GP6: variants seen among roughly 807,000 people sequenced by gnomAD.
GP6 encodes glycoprotein VI platelet.
A neutral mutation model predicts 37.3 loss-of-function variants in GP6; 45 were observed. That is an observed-to-expected ratio of 1.21 (90% CI 0.95 to 1.55). The LOEUF (loss-of-function observed/expected upper bound fraction) is 1.55. Among genes scored for constraint, GP6 ranks in the 40% most tolerant of loss-of-function variants. The pLI, the probability that GP6 is intolerant of heterozygous loss-of-function variation, is 0.00. For missense variants in GP6, 813 were observed against 760.2 expected, an observed-to-expected ratio of 1.07 and a Z score of -0.82; for synonymous variants, 340 against 316.4, an observed-to-expected ratio of 1.07 and a Z score of -0.79.
rs746782553 is a variant in GP6, at chr19:55,014,942, G to A, written c.1003C>T (p.Gln335Ter). 1.9e-5 allele frequency: 30 copies of A among 1,613,566 alleles called. No individual in the cohort carries two copies. Among genetic ancestry groups the A allele is most frequent in the Non-Finnish European group, 2.5e-5 (29 of 1,180,000 alleles). ...GCGGTCATGAACATAACCCGCGGCT[G>A]TGAACATCCTGTCGGCCTCCATCCT... The change falls in exon 8 of 8, where the codon CAG becomes TAG. Residue 335 changes from glutamine to a stop codon, truncating the protein, a stop_gained. Coordinates refer to ENST00000310373, the MANE Select transcript of GP6 (RefSeq NM_001083899.2). LOFTEE classifies it low-confidence loss of function (END_TRUNC).
chr19:55,014,787 G>A lies in GP6; in HGVS notation c.1158C>T (p.Ser386=), dbSNP rs755373331. 3 of 1,613,744 alleles carry A rather than the reference G, an allele frequency of 1.9e-6. No homozygotes were observed. The highest frequency in any genetic ancestry group is 2.2e-5 in the East Asian group (1 of 44,872). ...ACGGCTCCCTGATGGAACACCAGGA[G>A]GAGGCAGCATGGCCTCGTTTCCACA... Residue 386 remains serine, a synonymous_variant, in exon 8 of 8, where the codon TCC becomes TCT. Transcript: ENST00000310373.
intron 3 of GP6, among the ~76,000 whole-genome samples, chr19:55,031,393 T>C (rs930346573): frequency 6.6e-6 from 1 of 151,982 alleles, no homozygotes; most frequent in Non-Finnish European, 1.5e-5. Flanking sequence ...CTATGACTGC[T>C]CCTATGAACA....
At chr19:55,017,268 C>G (rs550739950) in intron 6 of GP6, among the ~76,000 whole-genome samples, 3 of 152,126 alleles carry the variant, frequency 2.0e-5, no homozygotes, top group Non-Finnish European at 4.4e-5. Flanking sequence ...AGGTGCCCAC[C>G]ACCACGCCCG....
At chr19:55,028,570 C>T (rs1302019299) in intron 3 of GP6, among the ~76,000 whole-genome samples, 2 of 152,200 alleles carry the variant, frequency 1.3e-5, no homozygotes, top group Non-Finnish European at 2.9e-5. Context: ...GTAACTGTCT[C>T]ACAGTGGATT....
intron 4 of GP6, among the ~76,000 whole-genome samples, chr19:55,026,272 A>G (rs2074299388): frequency 6.6e-6 from 1 of 152,208 alleles, no homozygotes; most frequent in South Asian, 2.1e-4. Context: ...GTGGTACAAT[A>G]TGTTGACCTC....
Position 55,027,629 on chromosome 19 carries a change from C to T in GP6, c.559G>A (p.Asp187Asn). Residue 187 changes from aspartate (D) to asparagine (N), a missense_variant, in exon 4 of 8, where the codon GAC (aspartate) becomes AAC (asparagine). Coordinates refer to ENST00000310373, the MANE Select transcript of GP6 (RefSeq NM_001083899.2). ...CTGGGGGCTGACCACAGGTATGGGT[C>T]CCTGCTGGAGAAGCTGTAGCATCGG... 6.2e-7 allele frequency: 1 copy of T among 1,613,784 alleles called. No homozygotes were observed. Among genetic ancestry groups the T allele is most frequent in the Non-Finnish European group, 8.5e-7 (1 of 1,179,686 alleles).
At chr19:55,019,112 T>TC (rs1419321120) in intron 5 of GP6, among the ~76,000 whole-genome samples, 2 of 149,240 alleles carry the variant, frequency 1.3e-5, no homozygotes, top group East Asian at 2.0e-4. Context: ...TTTTTCTTTT[T>TC]TTTTTTTTTT....
intron 5 of GP6, among the ~76,000 whole-genome samples, chr19:55,019,678 C>CTTTTTT (rs770367312): frequency 7.9e-6 from 1 of 126,746 alleles, no homozygotes; most frequent in Non-Finnish European, 1.6e-5. Flanking sequence ...TTCTTTTTTT[C>CTTTTTT]TTTTTTTTTT....
chr19:55,036,192 G>A (rs1316069794), intron 1 of GP6, among the ~76,000 whole-genome samples: 2 of 152,042 alleles, frequency 1.3e-5, no homozygotes, highest in African/African-American at 4.8e-5. Flanking sequence ...ATAAGTGAGA[G>A]CTAAGCTGTG....
intron 1 of GP6, among the ~76,000 whole-genome samples, chr19:55,037,240 G>C (rs958065783): frequency 6.6e-6 from 1 of 151,918 alleles, no homozygotes; most frequent in Non-Finnish European, 1.5e-5. Context: ...AAATGCATTC[G>C]ACCTGCCACC....
At chr19:55,035,050 G>C (rs2074777615) in intron 1 of GP6, among the ~76,000 whole-genome samples, 2 of 152,176 alleles carry the variant, frequency 1.3e-5, no homozygotes, top group African/African-American at 4.8e-5. Context: ...GAGTCTTCCA[G>C]GCGCCGTGCT....
chr19:55,021,682 G>A lies in GP6; in HGVS notation c.665-2971C>T, dbSNP rs139924303. ...ACTACAGGCGCCCGCCACCACGCCC[G>A]GCTAATTTTTTGTATTTTTAATAGA... On this transcript the variant is annotated intron_variant, in intron 5 of 7. Coordinates refer to ENST00000310373, the MANE Select transcript of GP6 (RefSeq NM_001083899.2). Among the ~76,000 whole-genome samples the A allele has an allele frequency of 6.7e-3, 1,017 of 151,722 alleles. 4 individuals carry two copies. The highest frequency in any genetic ancestry group is 0.025 in the East Asian group (129 of 5,096).
chr19:55,017,204 A>C (rs1255392648), intron 6 of GP6, among the ~76,000 whole-genome samples: 1 of 151,126 alleles, frequency 6.6e-6, no homozygotes, highest in South Asian at 2.1e-4. Context: ...GCAACCTCCA[A>C]CTCGTGAGTT....
chr19:55,037,162 T>G (rs953564357), intron 1 of GP6, among the ~76,000 whole-genome samples: 1 of 152,128 alleles, frequency 6.6e-6, no homozygotes, highest in Non-Finnish European at 1.5e-5. Context: ...CCTTTAGTGG[T>G]CAAATTCTGA....
At chr19:55,018,128 G>A (rs2073942582) in intron 6 of GP6, among the ~76,000 whole-genome samples, 1 of 152,138 alleles carries the variant, frequency 6.6e-6, no homozygotes, top group Admixed American at 6.5e-5. Context: ...GAGTCATGTG[G>A]GCCCAGTGGA....
chr19:55,017,632 G>A (rs527283303), intron 6 of GP6, among the ~76,000 whole-genome samples: 5 of 152,114 alleles, frequency 3.3e-5, no homozygotes, highest in Admixed American at 6.6e-5. Flanking sequence ...ATGGGAATGC[G>A]TGGAAGGTAT....
intron 1 of GP6, among the ~76,000 whole-genome samples, chr19:55,034,122 ATATGTATG>A (rs55868101): frequency 1.3e-5 from 2 of 149,386 alleles, no homozygotes; most frequent in Non-Finnish European, 3.0e-5. Flanking sequence ...ACACACGTGT[ATATGTATG>A]TATATGTATA....
intron 5 of GP6, 148 bp from the exon 6 acceptor site, chr19:55,018,859 G>T: frequency 1.4e-6 from 1 of 713,666 alleles, no homozygotes; most frequent in East Asian, 2.6e-5. Context: ...TTCGAAAGGT[G>T]TAAGACTTAT....
chr19:55,024,796 ATTC>A (rs2074240951), intron 5 of GP6, among the ~76,000 whole-genome samples: 1 of 152,134 alleles, frequency 6.6e-6, no homozygotes, highest in African/African-American at 2.4e-5. Flanking sequence ...CCTCCAGGTG[ATTC>A]TTATGCTCAT....
Sources: allele counts gnomAD v4.1 joint callset (sites outside exome capture counted in the v4.1 genomes callset), GRCh38; gene constraint gnomAD v4.1.1; transcripts MANE v1.5; gene names NCBI Gene and HGNC (gene_info 2026-07-23, HGNC 2026-07-21).